The following NDUFA13 variants were observed in gnomAD, a reference collection of about 807,000 sequenced individuals.
NDUFA13 encodes NADH dehydrogenase [ubiquinone] 1 alpha subcomplex subunit 13.
A neutral mutation model predicts 17.0 loss-of-function variants in NDUFA13; 16 were observed. The observed-to-expected ratio is 0.94, with a 90% CI of 0.64 to 1.43. NDUFA13 has a LOEUF of 1.43. NDUFA13 is among the 40% of genes most tolerant of loss of function. The pLI, the probability that NDUFA13 is intolerant of heterozygous loss-of-function variation, is 0.00. For synonymous variants in NDUFA13, 87 were observed against 78.4 expected (o/e 1.11, Z -0.58); for missense variants, 228 against 206.7 (o/e 1.10, Z -0.63).
At chr19:19,525,196 G>A (rs1035051450) in intron 1 of NDUFA13, among the ~76,000 whole-genome samples, 1 of 152,248 alleles carries the variant, frequency 6.6e-6, no homozygotes, top group African/African-American at 2.4e-5. Flanking sequence ...CTCATTACCT[G>A]TAGTATGGAA....
At chr19:19,522,351 T>A (rs1331768921) in intron 1 of NDUFA13, among the ~76,000 whole-genome samples, 1 of 151,860 alleles carries the variant, frequency 6.6e-6, no homozygotes, top group African/African-American at 2.4e-5. Flanking sequence ...AATTTCTGTA[T>A]TTTTCCTTTT....
At chr19:19,521,757 T>C (rs1257650405) in intron 1 of NDUFA13, among the ~76,000 whole-genome samples, 1 of 151,966 alleles carries the variant, frequency 6.6e-6, no homozygotes, top group Non-Finnish European at 1.5e-5. Context: ...CACCTGCCAC[T>C]GCGCCCGGCT....
intron 1 of NDUFA13, among the ~76,000 whole-genome samples, chr19:19,521,011 T>C (rs1362275390): frequency 1.3e-5 from 2 of 152,234 alleles, no homozygotes; most frequent in African/African-American, 4.8e-5. Context: ...GGTGTTTGTA[T>C]GGATGTAGAT....
At position 19,516,285 on chromosome 19, in the gene NDUFA13, A is replaced by G. The variant is rs1282077137; in HGVS notation, c.47A>G (p.Tyr16Cys). 4 of 1,613,628 alleles carry G rather than the reference A, an allele frequency of 2.5e-6. No homozygotes were observed. The highest frequency in any genetic ancestry group is 2.2e-5 in the East Asian group (1 of 44,858). ...CAGGACATGCCTCCGCCGGGGGGCT[A>G]TGGGCCCATCGACTACAAACGGAAC... ...VKQDMPPPGG[Y>C]GPIDYKRNLP... Residue 16 changes from tyrosine (Y) to cysteine (C), a missense_variant, in exon 1 of 5, where the codon TAT (tyrosine) becomes TGT (cysteine). Physicochemically the swap from Tyr to Cys is radical, Grantham distance 194. Coordinates refer to ENST00000507754, the MANE Select transcript of NDUFA13 (RefSeq NM_015965.7).
At chr19:19,521,688 C>T (rs1013824957) in intron 1 of NDUFA13, among the ~76,000 whole-genome samples, 6 of 152,076 alleles carry the variant, frequency 3.9e-5, no homozygotes, top group Non-Finnish European at 7.4e-5. Flanking sequence ...CTGCAAGCTC[C>T]GCCTCCCGGG....
chr19:19,527,162 G>GCCGCCCC, intron 2 of NDUFA13, 119 bp from the exon 3 acceptor site: 1 of 837,466 alleles, frequency 1.2e-6, no homozygotes, highest in Non-Finnish European at 1.8e-6. Context: ...CCCCCTGCCT[G>GCCGCCCC]CCTCCCCGCC....
intron 1 of NDUFA13, among the ~76,000 whole-genome samples, 191 bp downstream of exon 1, chr19:19,516,523 C>A (rs1291599203): frequency 6.6e-6 from 1 of 152,252 alleles, no homozygotes; most frequent in Non-Finnish European, 1.5e-5. Context: ...CCTCTTCCTT[C>A]TCGTAACAGC....
chr19:19,516,854 C>G (rs1204692943), intron 1 of NDUFA13, among the ~76,000 whole-genome samples: 5 of 152,090 alleles, frequency 3.3e-5, no homozygotes, highest in African/African-American at 1.2e-4. Flanking sequence ...ATGGCGCCAT[C>G]TCGGCTCACC....
intron 1 of NDUFA13, among the ~76,000 whole-genome samples, chr19:19,518,227 TTTTC>T (rs1408385548): frequency 2.0e-5 from 3 of 152,236 alleles, no homozygotes; most frequent in South Asian, 2.1e-4. Flanking sequence ...TTCTTTTTTC[TTTTC>T]TTTCTTTCTT....
chr19:19,526,837 T>A (rs2061101838), intron 2 of NDUFA13: 2 of 287,702 alleles, frequency 7.0e-6, no homozygotes, highest in African/African-American at 2.2e-5. Flanking sequence ...GCAGGGAACT[T>A]GGAAACTGCC....
intron 1 of NDUFA13, 101 bp from the exon 2 acceptor site, chr19:19,526,081 A>G (rs779947866): frequency 6.4e-7 from 1 of 1,551,406 alleles, no homozygotes. Context: ...ACTCCTGAGA[A>G]GCCGCCAGTG....
intron 3 of NDUFA13, 23 bp downstream of exon 3, chr19:19,527,375 T>C (rs1319859105): frequency 1.9e-6 from 3 of 1,613,510 alleles, no homozygotes; most frequent in Admixed American, 1.7e-5. Flanking sequence ...GGGCCAAGGT[T>C]GGGAGGTCAC....
At chr19:19,523,353 G>A (rs1248623597) in intron 1 of NDUFA13, among the ~76,000 whole-genome samples, 1 of 152,262 alleles carries the variant, frequency 6.6e-6, no homozygotes, top group African/African-American at 2.4e-5. Flanking sequence ...ACTCTGGGAG[G>A]CTGAGGTGGG....
Position 19,516,251 on chromosome 19 carries a change from A to C in NDUFA13, c.13A>C (p.Lys5Gln). The C allele has an allele frequency of 6.2e-7, 1 of 1,614,068 alleles. No individual in the cohort carries two copies. Among genetic ancestry groups the C allele is most frequent in the Non-Finnish European group, 8.5e-7 (1 of 1,180,032 alleles). MAAS[K>Q]VKQDMPPPGG... The stretch of plus-strand genomic sequence containing the variant: ...GGATACTGCGAGTATGGCGGCGTCA[A>C]AGGTGAAGCAGGACATGCCTCCGCC... Residue 5 changes from lysine to glutamine, a missense_variant, in exon 1 of 5, where the codon AAG becomes CAG. Coordinates refer to ENST00000507754, the MANE Select transcript of NDUFA13 (RefSeq NM_015965.7).
intron 2 of NDUFA13, chr19:19,526,622 TG>T (rs2061100883): frequency 2.8e-6 from 1 of 360,988 alleles, no homozygotes; most frequent in Non-Finnish European, 5.4e-6. Flanking sequence ...AGGATATGAG[TG>T]GGGGGCCTGC....
Position 19,527,696 on chromosome 19 carries a change from C to T in NDUFA13, c.246-5C>T, listed in dbSNP as rs2144647585. ...CCACCCCCACCATCGGCCCCATCCC[C>T]ACAGGACCTTGCAGATGCTTCGGGA... On this transcript the variant is annotated splice_region_variant and splice_polypyrimidine_tract_variant and intron_variant, in intron 3 of 4. Coordinates refer to ENST00000507754, the MANE Select transcript of NDUFA13 (RefSeq NM_015965.7). 2 of 1,551,782 alleles carry T rather than the reference C, an allele frequency of 1.3e-6. No homozygotes were observed. Among genetic ancestry groups the T allele is most frequent in the South Asian group, 2.4e-5 (2 of 84,080 alleles).
At chr19:19,521,856 C>A (rs2061079616) in intron 1 of NDUFA13, among the ~76,000 whole-genome samples, 1 of 152,134 alleles carries the variant, frequency 6.6e-6, no homozygotes, top group African/African-American at 2.4e-5. Flanking sequence ...CCCGCCTCGG[C>A]CTCCCAAAGT....
At chr19:19,526,089 G>C in intron 1 of NDUFA13, 93 bp from the exon 2 acceptor site, 3 of 1,562,402 alleles carry the variant, frequency 1.9e-6, no homozygotes, top group Non-Finnish European at 2.6e-6. Flanking sequence ...GAAGCCGCCA[G>C]TGTCCCCTGA....
chr19:19,527,797 T>C (rs758303447), intron 4 of NDUFA13, 27 bp downstream of exon 4: 16 of 1,549,086 alleles, frequency 1.0e-5, no homozygotes, highest in Non-Finnish European at 1.4e-5. Flanking sequence ...AGGGCAGAGG[T>C]GCCAGCCACG....
Sources: gnomAD v4.1 joint callset for allele counts (sites outside exome capture counted in the v4.1 genomes callset) on GRCh38, gnomAD v4.1.1 for gene constraint, MANE v1.5 for transcripts, NCBI Gene and HGNC (gene_info 2026-07-23, HGNC 2026-07-21) for gene names.